The following CDC25C variants were observed in gnomAD, a reference collection of about 807,000 sequenced individuals.
CDC25C encodes the protein cell division cycle 25C, also known as M-phase inducer phosphatase 3.
CDC25C carries 48 observed loss-of-function variants against 52.5 expected under a neutral mutation model. That is an observed-to-expected ratio of 0.91 (90% CI 0.72 to 1.16). The LOEUF (loss-of-function observed/expected upper bound fraction) is 1.16, where lower values mean the gene tolerates loss of function less well. Ranked by LOEUF, CDC25C falls within the 50% of genes most tolerant of loss-of-function variation. The probability of loss-of-function intolerance (pLI) is 0.00; values close to 1 mark genes in which losing one functional copy is unlikely to be tolerated. For missense variants in CDC25C, 510 were observed against 566.1 expected, an observed-to-expected ratio of 0.90 and a Z score of 1.01; for synonymous variants, 187 against 206.5, an observed-to-expected ratio of 0.91 and a Z score of 0.81.
chr5:138,318,165 C>CT (rs1237011336), intron 7 of CDC25C, among the ~76,000 whole-genome samples: 1 of 152,014 alleles, frequency 6.6e-6, no homozygotes, highest in East Asian at 1.9e-4. Flanking sequence ...CCCGTCTCTA[C>CT]TAAAATTACA....
At chr5:138,326,131 C>T in intron 4 of CDC25C, 77 bp from the exon 5 acceptor site, 4 of 1,454,284 alleles carry the variant, frequency 2.8e-6, no homozygotes, top group South Asian at 2.3e-5. Flanking sequence ...TGGTGCATCC[C>T]AACATTTTTC....
intron 7 of CDC25C, among the ~76,000 whole-genome samples, chr5:138,315,287 A>T (rs1190273136): frequency 6.6e-6 from 1 of 152,046 alleles, no homozygotes; most frequent in Non-Finnish European, 1.5e-5. Flanking sequence ...TATTATTGTT[A>T]ATCTCTTACT....
chr5:138,291,856 A>T, intron 8 of CDC25C, 114 bp downstream of exon 8: 1 of 725,306 alleles, frequency 1.4e-6, no homozygotes, highest in Non-Finnish European at 2.2e-6. Context: ...AAGAGGAAAA[A>T]GTAAAAGTAA....
intron 7 of CDC25C, among the ~76,000 whole-genome samples, chr5:138,297,103 G>C (rs547081022): frequency 2.1e-4 from 32 of 150,432 alleles, no homozygotes; most frequent in Non-Finnish European, 4.1e-4. Flanking sequence ...AGTAGAGACG[G>C]GGTTTCACCA....
intron 7 of CDC25C, among the ~76,000 whole-genome samples, chr5:138,302,898 A>AG (rs1215088980): frequency 1.3e-5 from 2 of 149,286 alleles, no homozygotes; most frequent in East Asian, 2.0e-4. Flanking sequence ...CCATCTCTAT[A>AG]GGGGAAAAAA....
At position 138,325,838 on chromosome 5, in the gene CDC25C, T is replaced by C. The variant is rs755979644; in HGVS notation, c.436A>G (p.Ser146Gly). 1.9e-6 allele frequency: 3 copies of C among 1,613,298 alleles called. No homozygotes were observed. The highest frequency in any genetic ancestry group is 1.1e-5 in the South Asian group (1 of 91,054). The change falls in exon 6 of 14, where the codon AGT becomes GGT. Residue 146 changes from serine (S) to glycine (G), a missense_variant. By Grantham distance (56) the Ser-to-Gly change is moderately conservative. Transcript: ENST00000323760. ...RGHRKRDAMC[S>G]SSANKENDNG... ...ACATTTTCTTTATTTGCAGATGAAC[T>C]ACACATTGCATCTCTCTTTCTATGG...
In CDC25C at chr5:138,291,498, A is replaced by C. The variant is rs1427603869; in HGVS notation, c.762+472T>G. Among the ~76,000 whole-genome samples the C allele has an allele frequency of 5.4e-5, 8 of 149,238 alleles. No individual in the cohort carries two copies. In the Admixed American group the frequency reaches 5.4e-4, roughly 10 times the overall value. On this transcript the variant is annotated intron_variant, in intron 8 of 13. Coordinates refer to ENST00000323760, the MANE Select transcript of CDC25C (RefSeq NM_001790.5). The stretch of plus-strand genomic sequence containing the variant: ...CAGTGGCACAATCTTGGCTCACTGC[A>C]ACCTCCACCTCCCGGGTTCAAGCGA...
rs75599346 is a variant in CDC25C, at chr5:138,310,633, G to C, written c.615+8586C>G. On this transcript the variant is annotated intron_variant, in intron 7 of 13. Transcript: ENST00000323760. Reference sequence around the variant, plus strand: ...TGTTTTATGTGTAATTAACTCATTCGATCCTGACAACAACCCAAGAAATTG... The same window carrying C: ...TGTTTTATGTGTAATTAACTCATTCCATCCTGACAACAACCCAAGAAATTG... 6.8e-4 allele frequency among the ~76,000 whole-genome samples: 104 copies of C among 152,164 alleles called. 1 individual carries two copies. In the East Asian group the frequency reaches 0.015, roughly 21 times the overall value.
chr5:138,315,885 G>T (rs940403824), intron 7 of CDC25C, among the ~76,000 whole-genome samples: 2 of 152,330 alleles, frequency 1.3e-5, no homozygotes, highest in African/African-American at 4.8e-5. Flanking sequence ...GTATGGATAG[G>T]GCTGCATGAT....
In CDC25C at chr5:138,285,997, G is replaced by A. The variant is rs142339516; in HGVS notation, c.1272+25C>T. 680 of 1,583,902 alleles carry A rather than the reference G, an allele frequency of 4.3e-4. 5 individuals are homozygous for A. In the South Asian group the frequency reaches 5.1e-3, roughly 12 times the overall value. On this transcript the variant is annotated intron_variant, in intron 13 of 13. Coordinates refer to ENST00000323760, the MANE Select transcript of CDC25C (RefSeq NM_001790.5). ...CTGGGAGTTGAGTTGTTAAAGTTTGGCTCCCCGCATGCCCCACCCTTTACC... is the reference window on the plus strand; with the variant it reads ...CTGGGAGTTGAGTTGTTAAAGTTTGACTCCCCGCATGCCCCACCCTTTACC...
chr5:138,304,331 CTTTT>C (rs558050918), intron 7 of CDC25C, among the ~76,000 whole-genome samples: 5 of 100,898 alleles, frequency 5.0e-5, no homozygotes, highest in Admixed American at 1.1e-4. Flanking sequence ...CCATGCCTGG[CTTTT>C]TTTTTTTTTT....
chr5:138,320,913 C>A (rs1743237103), intron 6 of CDC25C, among the ~76,000 whole-genome samples: 1 of 58,744 alleles, frequency 1.7e-5, no homozygotes, highest in Non-Finnish European at 2.8e-5. Flanking sequence ...GAGACTCTGT[C>A]TCAAAAAAAA....
chr5:138,338,332 C>G (rs1760873281), upstream of CDC25C: 1 of 465,380 alleles, frequency 2.1e-6, no homozygotes. Context: ...GCAGGTGGCG[C>G]TGGGGCCTCG....
rs1461563709 is a variant in CDC25C, at chr5:138,285,587, CATCTTTTAATA to C, written c.*94_*104del. 8.6e-6 allele frequency: 9 copies of C among 1,045,646 alleles called. No homozygotes were observed. 64.8% of individuals were successfully genotyped at this position (1,045,646 alleles called of 1,614,324 possible). On this transcript the variant is annotated 3_prime_UTR_variant, in exon 14 of 14. Transcript: ENST00000323760. ...TTGGTAGCCTGTTGGTTTGCAGAGACATCTTTTAATAATCTTGGGTTTGGCCATCCAGAAGG... is the reference window on the plus strand; with the variant it reads ...TTGGTAGCCTGTTGGTTTGCAGAGACATCTTGGGTTTGGCCATCCAGAAGG...
At chr5:138,301,561 G>GAA (rs34491218) in intron 7 of CDC25C, among the ~76,000 whole-genome samples, 2 of 146,540 alleles carry the variant, frequency 1.4e-5, no homozygotes, top group East Asian at 2.0e-4. Context: ...CCAGAAAATT[G>GAA]AAAAAAAAAG....
intron 4 of CDC25C, among the ~76,000 whole-genome samples, chr5:138,327,105 A>C (rs981066373): frequency 6.7e-6 from 1 of 149,924 alleles, no homozygotes; most frequent in African/African-American, 2.5e-5. Flanking sequence ...AAATACAAAA[A>C]TTAGCTGGGC....
chr5:138,287,695 A>G (rs1756369150), intron 10 of CDC25C, among the ~76,000 whole-genome samples: 1 of 152,222 alleles, frequency 6.6e-6, no homozygotes, highest in South Asian at 2.1e-4. Flanking sequence ...AAAGGTTGAT[A>G]CCTAAAGGAA....
intron 1 of CDC25C, chr5:138,337,133 C>A (rs992623516): frequency 7.9e-5 from 12 of 152,168 alleles, no homozygotes; most frequent in African/African-American, 2.7e-4. Context: ...GATCACAACA[C>A]GAACGCATTG....
intron 4 of CDC25C, 141 bp from the exon 5 acceptor site, chr5:138,326,195 A>G (rs775237434): frequency 3.4e-5 from 29 of 842,274 alleles, no homozygotes; most frequent in Non-Finnish European, 4.3e-5. Flanking sequence ...CAACAACAAT[A>G]CATAGGGTAT....
Sources: gnomAD v4.1 joint callset for allele counts (sites outside exome capture counted in the v4.1 genomes callset) on GRCh38, gnomAD v4.1.1 for gene constraint, MANE v1.5 for transcripts, NCBI Gene and HGNC (gene_info 2026-07-23, HGNC 2026-07-21) for gene names.